Variants in PPFIA2 observed in about 807,000 individuals in gnomAD.
PPFIA2 encodes the protein PPFI scaffold protein A2, also known as liprin-alpha-2.
PPFIA2 carries 46 observed loss-of-function variants against 175.5 expected under a neutral mutation model. That is an observed-to-expected ratio of 0.26 (90% confidence interval 0.21 to 0.34). PPFIA2 has a LOEUF of 0.34. Among genes scored for constraint, PPFIA2 ranks in the 10% least tolerant of loss-of-function variants. The probability of loss-of-function intolerance (pLI) is 1.00; values close to 1 mark genes in which losing one functional copy is unlikely to be tolerated. For synonymous variants in PPFIA2, 568 were observed against 511.4 expected (o/e 1.11, Z -1.49); for missense variants, 1,179 against 1,506.1 (o/e 0.78, Z 3.60).
In PPFIA2 at chr12:81,476,121, TTTAGTTTG is replaced by T. The variant is rs1274456049; in HGVS notation, c.304-18263_304-18256del. Reference sequence around the variant, plus strand: ...AGAGGCTCTGGACTTATGCTGAAGTTTTAGTTTGACCTCCTTTCATTCCTCAAGTTTCT... The same window carrying T: ...AGAGGCTCTGGACTTATGCTGAAGTTACCTCCTTTCATTCCTCAAGTTTCT... On this transcript the variant is annotated intron_variant, in intron 4 of 32. Transcript: ENST00000549396. Among the ~76,000 whole-genome samples, 24 of 152,306 alleles carry T rather than the reference TTTAGTTTG, an allele frequency of 1.6e-4. No individual in the cohort carries two copies. In the South Asian group the frequency reaches 4.8e-3, roughly 30 times the overall value.
chr12:81,650,260 CG>C (rs2066833981), intron 4 of PPFIA2, among the ~76,000 whole-genome samples: 1 of 152,124 alleles, frequency 6.6e-6, no homozygotes, highest in East Asian at 1.9e-4. Context: ...CTGCCCACCT[CG>C]GCCTCCCAAA....
chr12:81,394,824 C>T (rs918664708), intron 8 of PPFIA2, among the ~76,000 whole-genome samples: 27 of 148,582 alleles, frequency 1.8e-4, no homozygotes, highest in Non-Finnish European at 3.7e-4. Flanking sequence ...AAAAAAAAAA[C>T]TGTCCATGAA....
At chr12:81,611,772 C>T (rs1372669116) in intron 4 of PPFIA2, among the ~76,000 whole-genome samples, 4 of 152,100 alleles carry the variant, frequency 2.6e-5, no homozygotes, top group Non-Finnish European at 5.9e-5. Flanking sequence ...CTAGAGCTGC[C>T]AGCACACAAA....
At chr12:81,600,663 A>T (rs145062020) in intron 4 of PPFIA2, among the ~76,000 whole-genome samples, 1 of 152,004 alleles carries the variant, frequency 6.6e-6, no homozygotes, top group South Asian at 2.1e-4. Context: ...TAGATTTACT[A>T]GCTGTGGAAA....
At chr12:81,634,160 T>C (rs1481306399) in intron 4 of PPFIA2, among the ~76,000 whole-genome samples, 2 of 152,124 alleles carry the variant, frequency 1.3e-5, no homozygotes, top group African/African-American at 4.8e-5. Flanking sequence ...TAGCAGGTTT[T>C]GTTCTCATGG....
chr12:81,409,822 A>G (rs2142999451), intron 7 of PPFIA2, among the ~76,000 whole-genome samples: 2 of 152,204 alleles, frequency 1.3e-5, no homozygotes, highest in South Asian at 4.1e-4. Context: ...ACTGTGCTAA[A>G]CTATTTTTAT....
intron 22 of PPFIA2, among the ~76,000 whole-genome samples, chr12:81,306,513 T>TTTTGTTTG (rs796634804): frequency 6.6e-6 from 1 of 151,528 alleles, no homozygotes; most frequent in East Asian, 1.9e-4. Flanking sequence ...TCTTACTGTT[T>TTTTGTTTG]TTTGTTTGTT....
At chr12:81,372,990 A>G (rs1254989608) in intron 11 of PPFIA2, among the ~76,000 whole-genome samples, 2 of 151,810 alleles carry the variant, frequency 1.3e-5, no homozygotes, top group Non-Finnish European at 2.9e-5. Flanking sequence ...AGGAAAAAAT[A>G]TAAGGCACCT....
chr12:81,516,421 T>G (rs930621123), intron 4 of PPFIA2, among the ~76,000 whole-genome samples: 3 of 152,202 alleles, frequency 2.0e-5, no homozygotes, highest in African/African-American at 7.2e-5. Context: ...TTGAGTTGTG[T>G]CCTCTGCCAA....
chr12:81,622,291 T>C (rs779756191), intron 4 of PPFIA2, among the ~76,000 whole-genome samples: 3 of 152,192 alleles, frequency 2.0e-5, no homozygotes, highest in East Asian at 3.9e-4. Flanking sequence ...ATAAACAACA[T>C]GTGCTTGCAA....
At chr12:81,705,584 C>T (rs17690214) in intron 3 of PPFIA2, among the ~76,000 whole-genome samples, 4,497 of 151,992 alleles carry the variant, frequency 0.03, 102 homozygotes, top group Middle Eastern at 0.066. Flanking sequence ...ATATACATTG[C>T]AACAGGTGGT....
At chr12:81,596,903 T>C (rs1390855377) in intron 4 of PPFIA2, among the ~76,000 whole-genome samples, 1 of 151,830 alleles carries the variant, frequency 6.6e-6, no homozygotes, top group East Asian at 1.9e-4. Flanking sequence ...AATAGAAGTA[T>C]AGAAAGGGGA....
intron 4 of PPFIA2, among the ~76,000 whole-genome samples, chr12:81,537,447 C>G (rs2065564492): frequency 6.6e-6 from 1 of 151,746 alleles, no homozygotes; most frequent in South Asian, 2.1e-4. Context: ...CCAAAAAATA[C>G]AGAACTGAAA....
intron 3 of PPFIA2, among the ~76,000 whole-genome samples, chr12:81,735,138 T>C (rs2081405277): frequency 6.6e-6 from 1 of 151,846 alleles, no homozygotes; most frequent in Non-Finnish European, 1.5e-5. Flanking sequence ...TGTTTTCATT[T>C]CCCTTGGTTA....
chr12:81,719,973 A>G (rs367973303), intron 3 of PPFIA2, among the ~76,000 whole-genome samples: 2 of 151,392 alleles, frequency 1.3e-5, no homozygotes, highest in African/African-American at 4.8e-5. Context: ...TATCCATTCT[A>G]TCTGTATTTA....
chr12:81,422,977 T>C (rs2046552223), intron 7 of PPFIA2, among the ~76,000 whole-genome samples: 1 of 152,002 alleles, frequency 6.6e-6, no homozygotes. Flanking sequence ...TAAAGGATCA[T>C]AAGAGACTAC....
chr12:81,715,177 A>G (rs910244791), intron 3 of PPFIA2, among the ~76,000 whole-genome samples: 2 of 151,408 alleles, frequency 1.3e-5, no homozygotes, highest in Non-Finnish European at 3.0e-5. Context: ...TACAGAGTAC[A>G]AAATAGAAAT....
intron 4 of PPFIA2, among the ~76,000 whole-genome samples, chr12:81,502,221 T>G (rs2060662549): frequency 6.6e-6 from 1 of 152,128 alleles, no homozygotes; most frequent in Admixed American, 6.6e-5. Flanking sequence ...TCCCCAGAAA[T>G]TATTTTGCAA....
At chr12:81,603,619 G>T in intron 4 of PPFIA2, among the ~76,000 whole-genome samples, 1 of 151,408 alleles carries the variant, frequency 6.6e-6, no homozygotes, top group South Asian at 2.1e-4. Flanking sequence ...ATTAATTAGG[G>T]TGACTTCATG....
Sources: allele counts gnomAD v4.1 joint callset (sites outside exome capture counted in the v4.1 genomes callset), GRCh38; gene constraint gnomAD v4.1.1; transcripts MANE v1.5; gene names NCBI Gene and HGNC (gene_info 2026-07-23, HGNC 2026-07-21).